ABCA8: variants seen among roughly 807,000 people sequenced by gnomAD.
ABCA8 encodes ABC-type organic anion transporter ABCA8.
A neutral mutation model predicts 192.3 loss-of-function variants in ABCA8; 177 were observed. The observed-to-expected ratio is 0.92, with a 90% CI of 0.81 to 1.04. ABCA8 has a LOEUF of 1.04. Among genes scored for constraint, ABCA8 ranks in the 50% least tolerant of loss-of-function variants. The probability of loss-of-function intolerance (pLI) is 0.00; values close to 1 mark genes in which losing one functional copy is unlikely to be tolerated. For synonymous variants in ABCA8, 642 were observed against 690.2 expected (o/e 0.93, Z 1.09); for missense variants, 1,915 against 1,904.8 (o/e 1.01, Z -0.10).
chr17:68,893,824 G>A (rs2066677738), intron 23 of ABCA8, among the ~76,000 whole-genome samples: 1 of 146,528 alleles, frequency 6.8e-6, no homozygotes, highest in Admixed American at 6.9e-5. Context: ...CCATGCTGGT[G>A]CGCTGCACCC....
At chr17:68,918,798 G>A (rs570099964) in intron 14 of ABCA8, among the ~76,000 whole-genome samples, 5 of 151,894 alleles carry the variant, frequency 3.3e-5, no homozygotes, top group South Asian at 2.1e-4. Flanking sequence ...CAAGCCTGGC[G>A]GCGTGCCTGT....
chr17:68,891,704 C>T, intron 23 of ABCA8, 108 bp from the exon 24 acceptor site: 2 of 753,830 alleles, frequency 2.7e-6, no homozygotes, highest in East Asian at 2.9e-5. Context: ...TGCCTTAGGT[C>T]CCTTTTGAGA....
intron 16 of ABCA8, 64 bp downstream of exon 16, chr17:68,917,983 C>A: frequency 6.4e-7 from 1 of 1,574,722 alleles, no homozygotes; most frequent in Non-Finnish European, 8.7e-7. Flanking sequence ...TGTTCAGAGA[C>A]CAATCCATAT....
intron 5 of ABCA8, among the ~76,000 whole-genome samples, chr17:68,935,192 T>TCAAG (rs1362502615): frequency 6.6e-6 from 1 of 151,206 alleles, no homozygotes; most frequent in Admixed American, 6.6e-5. Flanking sequence ...CCTCCCAAGT[T>TCAAG]CAAGCAATTC....
intron 3 of ABCA8, among the ~76,000 whole-genome samples, chr17:68,941,266 G>A (rs188369747): frequency 3.8e-4 from 58 of 152,138 alleles, no homozygotes; most frequent in Middle Eastern, 3.4e-3. Context: ...TAGTATCTTC[G>A]TTAGTTATAA....
At chr17:68,913,513 A>C (rs572235579) in intron 17 of ABCA8, among the ~76,000 whole-genome samples, 191 of 152,120 alleles carry the variant, frequency 1.3e-3, no homozygotes, top group African/African-American at 4.5e-3. Flanking sequence ...AAAAAAAGAG[A>C]AAGACAAAAA....
Position 68,928,050 on chromosome 17 carries a change from TC to T in ABCA8, c.1138del (p.Asp380ThrfsTer4), listed in dbSNP as rs1217001519. 3.1e-6 allele frequency: 5 copies of T among 1,588,340 alleles called. No homozygotes were observed. Among genetic ancestry groups the T allele is most frequent in the Middle Eastern group, 3.3e-4 (2 of 5,994 alleles). Reference protein sequence around the residue: ...MLGMAQLLHLDYDLNSNAFPH... With the variant: ...MLGMAQLLHLXYDLNSNAFPH... The stretch of plus-strand genomic sequence containing the variant: ...AAATGCATTAGAATTCAAATCATAG[TC>T]CAAGTGTAAAAGCTGAAAATTAAAA... On this transcript the variant is annotated frameshift_variant, in exon 10 of 40. Coordinates refer to ENST00000586539, the MANE Select transcript of ABCA8 (RefSeq NM_001288985.2). LOFTEE classifies it high-confidence loss of function.
At chr17:68,880,008 G>A (rs929111373) in intron 32 of ABCA8, 1 of 152,108 alleles carries the variant, frequency 6.6e-6, no homozygotes. Flanking sequence ...CCACCTTCAA[G>A]CCACCTTCAA....
intron 17 of ABCA8, among the ~76,000 whole-genome samples, chr17:68,913,042 C>T (rs963740699): frequency 2.0e-5 from 3 of 151,800 alleles, no homozygotes; most frequent in Non-Finnish European, 4.4e-5. Flanking sequence ...TGAAATTATA[C>T]CAAATAGCTT....
chr17:68,937,440 AAT>A (rs1269554931), intron 4 of ABCA8, among the ~76,000 whole-genome samples: 14 of 152,148 alleles, frequency 9.2e-5, no homozygotes, highest in African/African-American at 3.4e-4. Context: ...TGAAATGGTA[AAT>A]ATAGAGAGAT....
intron 29 of ABCA8, 113 bp from the exon 30 acceptor site, chr17:68,882,832 A>C: frequency 1.1e-6 from 1 of 948,164 alleles, no homozygotes; most frequent in Admixed American, 2.5e-5. Flanking sequence ...AACCATCATA[A>C]TCTCCCTTCA....
intron 2 of ABCA8, among the ~76,000 whole-genome samples, chr17:68,943,356 G>A (rs543361167): frequency 2.0e-5 from 3 of 152,094 alleles, no homozygotes; most frequent in East Asian, 3.9e-4. Flanking sequence ...TATGATCTCC[G>A]TGTATGTGTA....
chr17:68,913,661 A>G (rs576854867), intron 17 of ABCA8, among the ~76,000 whole-genome samples: 26 of 152,260 alleles, frequency 1.7e-4, no homozygotes, highest in African/African-American at 5.8e-4. Context: ...CTAGACACGT[A>G]CAATCTACCA....
intron 17 of ABCA8, among the ~76,000 whole-genome samples, chr17:68,908,204 GGTTGCA>G (rs2067137074): frequency 6.6e-6 from 1 of 152,126 alleles, no homozygotes; most frequent in African/African-American, 2.4e-5. Flanking sequence ...AAAATACCAG[GGTTGCA>G]GTACAGCAAA....
At chr17:68,928,932 C>T (rs991776818) in intron 9 of ABCA8, 117 bp downstream of exon 9, 15 of 869,568 alleles carry the variant, frequency 1.7e-5, no homozygotes, top group South Asian at 1.2e-4. Context: ...TTTACAACAG[C>T]CTTCGCTAGA....
chr17:68,914,599 G>T (rs972952053), intron 17 of ABCA8, among the ~76,000 whole-genome samples: 3 of 151,964 alleles, frequency 2.0e-5, no homozygotes, highest in African/African-American at 7.2e-5. Flanking sequence ...AGAAGTAAAA[G>T]ATCTCTATAG....
chr17:68,898,572 C>T (rs1038827867), intron 21 of ABCA8, among the ~76,000 whole-genome samples: 11 of 152,032 alleles, frequency 7.2e-5, no homozygotes, highest in African/African-American at 2.4e-4. Flanking sequence ...TAGTATAATG[C>T]GTATTTTTCC....
intron 5 of ABCA8, among the ~76,000 whole-genome samples, chr17:68,935,539 C>CATATATATATATATATATATAT (rs1567877214): frequency 4.3e-4 from 18 of 41,824 alleles, no homozygotes; most frequent in African/African-American, 1.5e-3. Flanking sequence ...GAGTAGTATT[C>CATATATATATATATATATATAT]CTATATATAT....
At chr17:68,892,561 T>C (rs1227552291) in intron 23 of ABCA8, among the ~76,000 whole-genome samples, 1 of 152,180 alleles carries the variant, frequency 6.6e-6, no homozygotes, top group African/African-American at 2.4e-5. Context: ...ATCTAATTAA[T>C]CCTAGTTGAA....
Sources: gnomAD v4.1 joint callset for allele counts (sites outside exome capture counted in the v4.1 genomes callset) on GRCh38, gnomAD v4.1.1 for gene constraint, MANE v1.5 for transcripts, NCBI Gene and HGNC (gene_info 2026-07-23, HGNC 2026-07-21) for gene names.